The following NAALADL2 variants were observed in gnomAD, a reference collection of about 807,000 sequenced individuals.
The protein encoded by NAALADL2 is inactive N-acetylated-alpha-linked acidic dipeptidase-like protein 2.
A neutral mutation model predicts 87.2 loss-of-function variants in NAALADL2; 76 were observed. That is an observed-to-expected ratio of 0.87 (90% confidence interval 0.72 to 1.05). The LOEUF (loss-of-function observed/expected upper bound fraction) is 1.05, where lower values mean the gene tolerates loss of function less well. NAALADL2 is among the 50% of genes least tolerant of loss of function. NAALADL2 has a pLI of 0.00. For missense variants in NAALADL2, 1,089 were observed against 945.8 expected (o/e 1.15, Z -1.99); for synonymous variants, 354 against 331.0 (o/e 1.07, Z -0.75).
intron 13 of NAALADL2, among the ~76,000 whole-genome samples, chr3:175,781,804 G>C (rs1181751125): frequency 6.6e-6 from 1 of 151,782 alleles, no homozygotes; most frequent in Non-Finnish European, 1.5e-5. Context: ...CTGGTGTGCT[G>C]CACCCACTAA....
intron 12 of NAALADL2, among the ~76,000 whole-genome samples, chr3:175,742,371 T>C (rs1745340348): frequency 6.6e-6 from 1 of 152,158 alleles, no homozygotes; most frequent in East Asian, 1.9e-4. Context: ...ATTTATATAA[T>C]GTAAGTTTTT....
At chr3:174,677,991 C>T (rs1727199028) in intron 2 of NAALADL2, among the ~76,000 whole-genome samples, 1 of 152,190 alleles carries the variant, frequency 6.6e-6, no homozygotes, top group African/African-American at 2.4e-5. Flanking sequence ...TTTGTTCAGC[C>T]TCAACTGGGC....
intron 3 of NAALADL2, among the ~76,000 whole-genome samples, chr3:174,763,332 T>C (rs1387168003): frequency 2.6e-5 from 4 of 151,998 alleles, no homozygotes; most frequent in African/African-American, 9.7e-5. Context: ...CTCATGCCTG[T>C]AATCCCAGCA....
intron 5 of NAALADL2, among the ~76,000 whole-genome samples, chr3:175,417,581 A>G (rs950282508): frequency 2.6e-5 from 4 of 152,128 alleles, no homozygotes; most frequent in South Asian, 2.1e-4. Context: ...ACTTAAACCA[A>G]TTAGCTCTCC....
At chr3:175,402,342 A>G (rs1770663547) in intron 5 of NAALADL2, among the ~76,000 whole-genome samples, 1 of 152,074 alleles carries the variant, frequency 6.6e-6, no homozygotes, top group South Asian at 2.1e-4. Flanking sequence ...ACCCCAGAGC[A>G]ATTCTTTGGG....
intron 2 of NAALADL2, among the ~76,000 whole-genome samples, chr3:174,648,319 G>A (rs2108749119): frequency 6.7e-6 from 1 of 149,768 alleles, no homozygotes; most frequent in South Asian, 2.1e-4. Flanking sequence ...GTGAAACTCT[G>A]CCTCAACAAC....
chr3:174,910,817 G>C (rs1251751099), intron 1 of NAALADL2, among the ~76,000 whole-genome samples: 1 of 151,996 alleles, frequency 6.6e-6, no homozygotes, highest in Non-Finnish European at 1.5e-5. Flanking sequence ...TGAAATATGG[G>C]CCCCAAATTA....
At chr3:174,620,580 A>G (rs1417016767) in intron 2 of NAALADL2, among the ~76,000 whole-genome samples, 1 of 152,040 alleles carries the variant, frequency 6.6e-6, no homozygotes, top group East Asian at 1.9e-4. Flanking sequence ...TAAGGATACT[A>G]TTAACAGAGA....
intron 5 of NAALADL2, among the ~76,000 whole-genome samples, chr3:175,387,303 A>G (rs1366943678): frequency 6.6e-6 from 1 of 152,124 alleles, no homozygotes; most frequent in Non-Finnish European, 1.5e-5. Flanking sequence ...TCATAAGAGT[A>G]TTACAAAATT....
intron 1 of NAALADL2, among the ~76,000 whole-genome samples, chr3:175,042,272 A>G (rs1754162535): frequency 6.6e-6 from 1 of 152,158 alleles, no homozygotes; most frequent in Non-Finnish European, 1.5e-5. Context: ...GAAGCCAAAT[A>G]ATTTACTATA....
chr3:175,728,992 A>G (rs1284159782), intron 11 of NAALADL2, among the ~76,000 whole-genome samples: 1 of 152,144 alleles, frequency 6.6e-6, no homozygotes, highest in Non-Finnish European at 1.5e-5. Context: ...CTTGGTCTAG[A>G]ATACCTTTCT....
rs1021830254 is a variant in NAALADL2, at chr3:174,872,571, A to G, written c.43+13121A>G. On this transcript the variant is annotated intron_variant, in intron 1 of 13. Coordinates refer to ENST00000454872, the MANE Select transcript of NAALADL2 (RefSeq NM_207015.3). ...TTATGCCTTTGTTCATCCAACAAAT[A>G]TTTATTGAAATATGATTATGTAGCA... Among the ~76,000 whole-genome samples the G allele has an allele frequency of 2.0e-5, 3 of 152,206 alleles. No individual in the cohort carries two copies. In the South Asian group the frequency reaches 6.2e-4, roughly 31 times the overall value.
At chr3:175,507,858 C>A (rs978512897) in intron 9 of NAALADL2, among the ~76,000 whole-genome samples, 1 of 152,158 alleles carries the variant, frequency 6.6e-6, no homozygotes, top group African/African-American at 2.4e-5. Context: ...CAGGTTTTTT[C>A]TTCTTTTTCT....
chr3:174,800,087 T>C (rs1471485202), intron 3 of NAALADL2, among the ~76,000 whole-genome samples: 1 of 152,118 alleles, frequency 6.6e-6, no homozygotes, highest in Non-Finnish European at 1.5e-5. Context: ...GGAAACAGCA[T>C]GAAAGTTTGG....
intron 1 of NAALADL2, among the ~76,000 whole-genome samples, chr3:175,013,284 TATATATATATATA>T (rs1750356544): frequency 1.3e-5 from 1 of 77,598 alleles, no homozygotes; most frequent in African/African-American, 7.1e-5. Context: ...TATACATATA[TATATATATATATA>T]TATATTTTTT....
At chr3:175,330,728 A>G (rs1432631736) in intron 5 of NAALADL2, among the ~76,000 whole-genome samples, 2 of 152,178 alleles carry the variant, frequency 1.3e-5, no homozygotes, top group Non-Finnish European at 2.9e-5. Context: ...TAAGAAATCT[A>G]ATGATCCATC....
intron 10 of NAALADL2, among the ~76,000 whole-genome samples, chr3:175,599,200 GA>G (rs1722635289): frequency 6.6e-6 from 1 of 152,006 alleles, no homozygotes; most frequent in African/African-American, 2.4e-5. Flanking sequence ...CAATTATGAA[GA>G]ATTTTATTGA....
At chr3:174,546,939 G>C (rs1399097539) in intron 1 of NAALADL2, among the ~76,000 whole-genome samples, 1 of 152,078 alleles carries the variant, frequency 6.6e-6, no homozygotes, top group African/African-American at 2.4e-5. Flanking sequence ...TTCATGTGTA[G>C]TACTTTTTTT....
intron 1 of NAALADL2, among the ~76,000 whole-genome samples, chr3:175,044,983 G>A (rs1023141015): frequency 6.6e-6 from 1 of 151,364 alleles, no homozygotes; most frequent in South Asian, 2.1e-4. Context: ...ACACATAATA[G>A]GATGATATTT....
Sources: allele counts gnomAD v4.1 joint callset (sites outside exome capture counted in the v4.1 genomes callset), GRCh38; gene constraint gnomAD v4.1.1; transcripts MANE v1.5; gene names NCBI Gene and HGNC (gene_info 2026-07-23, HGNC 2026-07-21).